The following CENPE variants were observed in gnomAD, a reference collection of about 807,000 sequenced individuals.
CENPE encodes centromere-associated protein E.
In CENPE, 145 loss-of-function variants were observed where a neutral mutation model predicts 336.1. That is an observed-to-expected ratio of 0.43 (90% CI 0.38 to 0.50). The LOEUF is 0.50. Ranked by LOEUF, CENPE falls within the 20% of genes least tolerant of loss-of-function variation. The pLI is 0.00. For synonymous variants in CENPE, 1,013 were observed against 984.8 expected, an observed-to-expected ratio of 1.03 and a Z score of -0.54; for missense variants, 2,719 against 3,023.3, an observed-to-expected ratio of 0.90 and a Z score of 2.36.
intron 24 of CENPE, among the ~76,000 whole-genome samples, 200 bp downstream of exon 24, chr4:103,158,100 G>C (rs1214759124): frequency 6.6e-6 from 1 of 151,720 alleles, no homozygotes. Context: ...ACATTTTTGG[G>C]CCCTTTCCCT....
At chr4:103,140,742 G>T in intron 36 of CENPE, 72 bp downstream of exon 36, 1 of 1,257,002 alleles carries the variant, frequency 8.0e-7, no homozygotes, top group Non-Finnish European at 1.1e-6. Flanking sequence ...CAGACACAAC[G>T]CTGCAGTGAA....
At position 103,184,174 on chromosome 4, in the gene CENPE, A is replaced by AT. The variant is rs1756555534; in HGVS notation, c.746-887dup. On this transcript the variant is annotated intron_variant, in intron 9 of 48. Coordinates refer to ENST00000265148, the MANE Select transcript of CENPE (RefSeq NM_001813.3). ...AACCAACCGGCTAAAACAAGCATTT[A>AT]TTTTTTGTTCACAGGTCTGAGGATG... is the stretch of plus-strand genomic sequence containing the variant. Among the ~76,000 whole-genome samples, 3 of 152,154 alleles carry AT rather than the reference A, an allele frequency of 2.0e-5. No homozygotes were observed. The South Asian group carries it at 6.2e-4, about 32-fold the overall frequency.
At chr4:103,182,401 TACAG>T (rs951696260) in intron 11 of CENPE, among the ~76,000 whole-genome samples, 4 of 152,248 alleles carry the variant, frequency 2.6e-5, no homozygotes, top group Non-Finnish European at 4.4e-5. Context: ...TATTTTGTTA[TACAG>T]ACAGACACAC....
At position 103,141,914 on chromosome 4, in the gene CENPE, C is replaced by T. The variant is rs2711898; in HGVS notation, c.5305-6G>A. 0.39 allele frequency: 610,353 copies of T among 1,548,020 alleles called. 122,687 individuals are homozygous for T. Among genetic ancestry groups the T allele is most frequent in the African/African-American group, 0.59 (42,781 of 72,426 alleles). ...TCCTCTTGTATTTTCAGATCCTTTA[C>T]CATTAGAGAAATTTTAAAAACAGTG... On this transcript the variant is annotated splice_region_variant and splice_polypyrimidine_tract_variant and intron_variant, in intron 34 of 48. Coordinates refer to ENST00000265148, the MANE Select transcript of CENPE (RefSeq NM_001813.3).
chr4:103,129,653 G>A (rs1380128504), intron 42 of CENPE, among the ~76,000 whole-genome samples: 1 of 152,136 alleles, frequency 6.6e-6, no homozygotes, highest in Non-Finnish European at 1.5e-5. Context: ...GAACCTGGGA[G>A]GCAGAGGTTG....
chr4:103,144,159 A>G (rs751354710), intron 33 of CENPE, among the ~76,000 whole-genome samples, 172 bp downstream of exon 33: 77 of 152,116 alleles, frequency 5.1e-4, no homozygotes, highest in Non-Finnish European at 6.8e-4. Flanking sequence ...GATGGTCTTG[A>G]TCTCCTGACC....
rs748924100 is a variant in CENPE, at chr4:103,151,343, C to T, written c.3272G>A (p.Gly1091Glu). Reference protein sequence around the residue: ...IENQEELRLLGDELKKQQEIV... With the variant: ...IENQEELRLLEDELKKQQEIV... ...CTCTTGTTGCTTTTTAAGTTCATCC[C>T]CAAGAAGTCTTAATTCTTCCTGGTT... is the stretch of plus-strand genomic sequence containing the variant. Residue 1091 changes from glycine to glutamate, a missense_variant, in exon 26 of 49, where the codon GGG becomes GAG. By Grantham distance (98) the Gly-to-Glu change is moderately conservative (BLOSUM62 -2). Transcript: ENST00000265148. 3.8e-6 allele frequency: 6 copies of T among 1,589,552 alleles called. No individual in the cohort carries two copies. In the African/African-American group the frequency reaches 4.1e-5, roughly 11 times the overall value.
rs765404116 is a variant in CENPE, at chr4:103,141,749, C to A, written c.5463+1G>T. ...ATCAAACAATCCCCCCATAAAAATA[C>A]CTTTTCTTGTAATTTAGCATTTGAA... On this transcript the variant is annotated splice_donor_variant, in intron 35 of 48. Transcript: ENST00000265148. LOFTEE classifies it high-confidence loss of function. 1 of 1,507,670 alleles carries A rather than the reference C, an allele frequency of 6.6e-7. No homozygotes were observed. Among genetic ancestry groups the A allele is most frequent in the Admixed American group, 1.9e-5 (1 of 52,214 alleles). The allele number at this position is 1,507,670 out of a possible 1,614,324, so 93.4% of individuals were successfully genotyped here.
chr4:103,141,595 A>C (rs547859436), intron 35 of CENPE, among the ~76,000 whole-genome samples, 155 bp downstream of exon 35: 2 of 152,166 alleles, frequency 1.3e-5, no homozygotes, highest in Non-Finnish European at 2.9e-5. Flanking sequence ...GTACATACCC[A>C]AGAAGTGGAA....
chr4:103,117,167 T>A (rs1460386429), intron 44 of CENPE, among the ~76,000 whole-genome samples: 1 of 152,208 alleles, frequency 6.6e-6, no homozygotes, highest in Non-Finnish European at 1.5e-5. Context: ...AAACACTATA[T>A]TTTACAGCAG....
chr4:103,147,288 A>G, intron 29 of CENPE, 68 bp downstream of exon 29: 1 of 1,333,248 alleles, frequency 7.5e-7, no homozygotes. Context: ...CATTATAACT[A>G]TAACACAAAC....
Position 103,145,189 on chromosome 4 carries a change from T to C in CENPE, c.4718A>G (p.Glu1573Gly). Residue 1573 changes from glutamate (E) to glycine (G), a missense_variant, in exon 32 of 49, where the codon GAG (glutamate) becomes GGG (glycine). By Grantham distance (98) the Glu-to-Gly change is moderately conservative. This residue lies in a region of CENPE where 2,437 missense variants were observed against 2,513.3 expected (regional missense o/e 0.97). Transcript: ENST00000265148. Reference protein sequence around the residue: ...ALQSIESKMLELTNRLQESQE... With the variant: ...ALQSIESKMLGLTNRLQESQE... ...ACTTTCTTGAAGTCTGTTGGTCAAC[T>C]CGAGCATCTTACTTTCTATACTTTG... The C allele has an allele frequency of 1.2e-6, 2 of 1,613,742 alleles. No homozygotes were observed. Among genetic ancestry groups the C allele is most frequent in the Non-Finnish European group, 1.7e-6 (2 of 1,179,852 alleles).
chr4:103,136,119 A>T lies in CENPE; in HGVS notation c.6522+22T>A, dbSNP rs377409546. 59 of 1,569,366 alleles carry T rather than the reference A, an allele frequency of 3.8e-5. No individual in the cohort carries two copies. In the African/African-American group the frequency reaches 7.1e-4, roughly 19 times the overall value. On this transcript the variant is annotated intron_variant, in intron 40 of 48. Transcript: ENST00000265148. The stretch of plus-strand genomic sequence containing the variant: ...GTTTATAACTGAAATATTTAAAAGG[A>T]TATTACTAAAAAAGATGGTACCTTC...
intron 42 of CENPE, among the ~76,000 whole-genome samples, chr4:103,125,448 A>G (rs1314912514): frequency 6.6e-6 from 1 of 152,146 alleles, no homozygotes; most frequent in Non-Finnish European, 1.5e-5. Flanking sequence ...AAGTTAACAA[A>G]CTGGTCTTAA....
chr4:103,185,788 A>G (rs376281018), intron 9 of CENPE, 22 bp downstream of exon 9: 135 of 1,581,916 alleles, frequency 8.5e-5, no homozygotes, highest in Non-Finnish European at 1.1e-4. Context: ...TAAGACTAAC[A>G]TATTTCATGA....
At chr4:103,115,223 T>C (rs1267163603) in intron 45 of CENPE, among the ~76,000 whole-genome samples, 1 of 152,036 alleles carries the variant, frequency 6.6e-6, no homozygotes, top group African/African-American at 2.4e-5. Flanking sequence ...AACCTCTGCC[T>C]CCTGAGCTCA....
intron 46 of CENPE, among the ~76,000 whole-genome samples, chr4:103,112,108 T>C (rs929466038): frequency 6.6e-6 from 1 of 151,524 alleles, no homozygotes; most frequent in African/African-American, 2.4e-5. Context: ...TATGTGCATA[T>C]ACCATGTCCA....
chr4:103,117,668 C>G (rs1436587314), intron 44 of CENPE, among the ~76,000 whole-genome samples: 2 of 145,044 alleles, frequency 1.4e-5, no homozygotes, highest in Admixed American at 6.9e-5. Context: ...TGCTCTGTCA[C>G]CTAGGCTGGG....
At chr4:103,196,116 A>G (rs2126061871) in intron 3 of CENPE, 47 bp downstream of exon 3, 1 of 1,585,534 alleles carries the variant, frequency 6.3e-7, no homozygotes, top group Non-Finnish European at 8.7e-7. Flanking sequence ...CTTGTTGCAC[A>G]GACGCCCAAG....
Sources: gnomAD v4.1 joint callset for allele counts (sites outside exome capture counted in the v4.1 genomes callset) on GRCh38, gnomAD v4.1.1 for gene constraint, gnomAD v4.1.1 regional missense constraint, MANE v1.5 for transcripts, NCBI Gene and HGNC (gene_info 2026-07-23, HGNC 2026-07-21) for gene names.